Variants in FAT3 observed in about 807,000 individuals in gnomAD.
FAT3 encodes the protein FAT atypical cadherin 3.
FAT3 carries 95 observed loss-of-function variants against 310.2 expected under a neutral mutation model. The ratio of observed to expected loss-of-function variants is 0.31; its 90% CI spans 0.26 to 0.36. FAT3 has a LOEUF of 0.36. Among genes scored for constraint, FAT3 ranks in the 10% least tolerant of loss-of-function variants. The probability of loss-of-function intolerance (pLI) is 1.00; values close to 1 mark genes in which losing one functional copy is unlikely to be tolerated. For missense variants in FAT3, 5,408 were observed against 5,715.6 expected (o/e 0.95, Z 1.74); for synonymous variants, 2,314 against 2,192.9 (o/e 1.06, Z -1.54).
At chr11:92,612,466 G>A (rs758601284) in intron 3 of FAT3, among the ~76,000 whole-genome samples, 12 of 152,180 alleles carry the variant, frequency 7.9e-5, no homozygotes, top group Admixed American at 2.6e-4. Flanking sequence ...AGAAAAATTG[G>A]AAGAAATAAG....
At position 92,806,473 on chromosome 11, in the gene FAT3, T is replaced by C. The variant is rs747111679; in HGVS notation, c.9205T>C (p.Tyr3069His). ...GSNGYIRYSL[Y>H]GSGNSEFFLD... ...CAATGGATATATACGATACTCACTC[T>C]ATGGATCTGGAAACAGTGAATTTTT... The change falls in exon 12 of 28, where the codon TAT (tyrosine) becomes CAT (histidine). Residue 3069 changes from tyrosine (Y) to histidine (H), a missense_variant. By Grantham distance (83) the Tyr-to-His change is moderately conservative (BLOSUM62 2). Transcript: ENST00000525166. 21 of 1,568,602 alleles carry C rather than the reference T, an allele frequency of 1.3e-5. No individual in the cohort carries two copies. The South Asian group carries it at 2.2e-4, about 17-fold the overall frequency.
intron 2 of FAT3, among the ~76,000 whole-genome samples, chr11:92,439,221 C>G (rs1951015242): frequency 6.6e-6 from 1 of 151,776 alleles, no homozygotes. Context: ...ATAAAAAAAC[C>G]CACAATTTTT....
At chr11:92,522,248 C>G (rs1259588668) in intron 2 of FAT3, among the ~76,000 whole-genome samples, 1 of 152,164 alleles carries the variant, frequency 6.6e-6, no homozygotes, top group Non-Finnish European at 1.5e-5. Context: ...TCCAGCCTAC[C>G]TGGGTGGCAC....
At position 92,661,811 on chromosome 11, in the gene FAT3, G is replaced by A. The variant is rs568077692; in HGVS notation, c.3608-35573G>A. ...AGCATCTAATTTTTTCCTAATATAAGCCCTGGTTATTTATATAGTTCAGGT... is the reference window on the plus strand; with the variant it reads ...AGCATCTAATTTTTTCCTAATATAAACCCTGGTTATTTATATAGTTCAGGT... On this transcript the variant is annotated intron_variant, in intron 3 of 27. Transcript: ENST00000525166. Among the ~76,000 whole-genome samples, 5 of 152,096 alleles carry A rather than the reference G, an allele frequency of 3.3e-5. No individual in the cohort carries two copies. The East Asian group carries it at 7.7e-4, about 24-fold the overall frequency.
intron 1 of FAT3, among the ~76,000 whole-genome samples, chr11:92,267,488 C>T (rs955704797): frequency 1.3e-5 from 2 of 151,414 alleles, no homozygotes; most frequent in Non-Finnish European, 1.5e-5. Context: ...CAGAGTTTGG[C>T]GGAGGGTCCT....
chr11:92,733,584 C>T (rs1024233848), intron 4 of FAT3, among the ~76,000 whole-genome samples: 1 of 152,034 alleles, frequency 6.6e-6, no homozygotes, highest in Non-Finnish European at 1.5e-5. Context: ...TGAGAAGCAT[C>T]ATCAGTATGA....
At chr11:92,716,986 GC>G (rs869275673) in intron 4 of FAT3, among the ~76,000 whole-genome samples, 1 of 147,450 alleles carries the variant, frequency 6.8e-6, no homozygotes, top group Admixed American at 6.8e-5. Context: ...CCATATATTT[GC>G]TGAATGATCT....
intron 2 of FAT3, among the ~76,000 whole-genome samples, chr11:92,399,989 G>A (rs1301886819): frequency 1.3e-5 from 2 of 152,114 alleles, no homozygotes; most frequent in African/African-American, 4.8e-5. Context: ...GTTGGTGTGG[G>A]CTTGGGATGT....
chr11:92,890,412 G>T lies in FAT3; in HGVS notation c.13148-79G>T, dbSNP rs575693421. 3.2e-5 allele frequency: 48 copies of T among 1,493,920 alleles called. No homozygotes were observed. In the African/African-American group the frequency reaches 4.7e-4, roughly 15 times the overall value. 92.5% of individuals were successfully genotyped at this position (1,493,920 alleles called of 1,614,324 possible). A position where few individuals can be genotyped will look rare whatever the true frequency, so the allele number is the denominator to read the frequency against. On this transcript the variant is annotated intron_variant, in intron 27 of 27. Coordinates refer to ENST00000525166, the MANE Select transcript of FAT3 (RefSeq NM_001367949.2). The stretch of plus-strand genomic sequence containing the variant: ...TTGGATGCTAAAAATTGCATGTCAG[G>T]TCCCTTCCCTGCTCCTTTCCCAGCA...
At chr11:92,756,596 G>A (rs1945997130) in intron 4 of FAT3, among the ~76,000 whole-genome samples, 1 of 152,126 alleles carries the variant, frequency 6.6e-6, no homozygotes, top group African/African-American at 2.4e-5. Flanking sequence ...AGACACTCTT[G>A]TAATCACTGG....
chr11:92,378,940 C>A (rs542974492), intron 2 of FAT3, among the ~76,000 whole-genome samples: 1 of 152,266 alleles, frequency 6.6e-6, no homozygotes, highest in East Asian at 1.9e-4. Context: ...GCCCTGTGAT[C>A]TAATCACTTT....
intron 3 of FAT3, among the ~76,000 whole-genome samples, chr11:92,556,368 C>G (rs776713839): frequency 2.0e-5 from 3 of 152,160 alleles, no homozygotes; most frequent in African/African-American, 4.8e-5. Flanking sequence ...CACCATTTGT[C>G]TCAGTGCCTA....
In FAT3 at chr11:92,293,707, T is replaced by C. The variant is rs537195432; in HGVS notation, c.-17-58389T>C. On this transcript the variant is annotated intron_variant, in intron 1 of 27. Coordinates refer to ENST00000525166, the MANE Select transcript of FAT3 (RefSeq NM_001367949.2). Reference sequence around the variant, plus strand: ...GGATCAGGAGGTCTTCTAGCCCTCATAGCTACAGGAGACCCATGGTCAGAG... The same window carrying C: ...GGATCAGGAGGTCTTCTAGCCCTCACAGCTACAGGAGACCCATGGTCAGAG... 4.2e-4 allele frequency among the ~76,000 whole-genome samples: 63 copies of C among 151,688 alleles called. 1 individual carries two copies. The highest frequency in any genetic ancestry group is 1.7e-3 in the South Asian group (8 of 4,796).
rs139910686 is a variant in FAT3 at position 92,671,242 on chromosome 11, G to A, written c.3608-26142G>A. On this transcript the variant is annotated intron_variant, in intron 3 of 27. Transcript: ENST00000525166. ...GTATTTTTAGTAGGAACGGGGTTTC[G>A]TCATGTTGGTCAGGCTGGTCTGGAA... 1.4e-4 allele frequency among the ~76,000 whole-genome samples: 21 copies of A among 151,890 alleles called. No individual in the cohort carries two copies. In the East Asian group the frequency reaches 1.6e-3, roughly 11 times the overall value.
chr11:92,691,807 A>G (rs1483950860), intron 3 of FAT3, among the ~76,000 whole-genome samples: 1 of 152,186 alleles, frequency 6.6e-6, no homozygotes. Context: ...TTTCAGAGTT[A>G]GAGGAAAAAT....
At chr11:92,662,014 T>C (rs1353314770) in intron 3 of FAT3, among the ~76,000 whole-genome samples, 1 of 152,128 alleles carries the variant, frequency 6.6e-6, no homozygotes, top group East Asian at 1.9e-4. Flanking sequence ...ACTCTATTTT[T>C]TTCTACCTCT....
chr11:92,326,860 T>G (rs1476502674), intron 1 of FAT3, among the ~76,000 whole-genome samples: 1 of 152,212 alleles, frequency 6.6e-6, no homozygotes, highest in Non-Finnish European at 1.5e-5. Flanking sequence ...TTTAGATTAC[T>G]GAGTAAAAGT....
At chr11:92,658,922 T>TATCATCATCATCATC in intron 3 of FAT3, among the ~76,000 whole-genome samples, 1 of 149,820 alleles carries the variant, frequency 6.7e-6, no homozygotes, top group East Asian at 2.0e-4. Context: ...TCATCGTCAT[T>TATCATCATCATCATC]ATCATCATCA....
chr11:92,728,267 C>G (rs1423713346), intron 4 of FAT3, among the ~76,000 whole-genome samples: 1 of 152,054 alleles, frequency 6.6e-6, no homozygotes, highest in Non-Finnish European at 1.5e-5. Flanking sequence ...TTAACTAGTC[C>G]TTGTGGAGCA....
Sources: gnomAD v4.1 joint callset for allele counts (sites outside exome capture counted in the v4.1 genomes callset) on GRCh38, gnomAD v4.1.1 for gene constraint, MANE v1.5 for transcripts, NCBI Gene and HGNC (gene_info 2026-07-23, HGNC 2026-07-21) for gene names.